The following SNX2 variants were observed in gnomAD, a reference collection of about 807,000 sequenced individuals.
The protein encoded by SNX2 is sorting nexin 2.
Under a neutral mutation model 69.9 loss-of-function variants are expected in SNX2, and 25 were observed. The ratio of observed to expected loss-of-function variants is 0.36; its 90% CI spans 0.26 to 0.50. The LOEUF (loss-of-function observed/expected upper bound fraction) is 0.50. Among genes scored for constraint, SNX2 ranks in the 20% least tolerant of loss-of-function variants. The probability of loss-of-function intolerance (pLI) is 0.97; values close to 1 mark genes in which losing one functional copy is unlikely to be tolerated. For missense variants in SNX2, 551 were observed against 613.3 expected, an observed-to-expected ratio of 0.90 and a Z score of 1.07; for synonymous variants, 229 against 200.4, an observed-to-expected ratio of 1.14 and a Z score of -1.20.
At position 122,827,650 on chromosome 5, in the gene SNX2, A is replaced by C. The variant is rs201650860; in HGVS notation, c.1509+4A>C. ...ACTAGTTCAAACACAACAACAGGTAAGCCATTTTTGTTTATAACTTAAACT... is the reference window on the plus strand; with the variant it reads ...ACTAGTTCAAACACAACAACAGGTACGCCATTTTTGTTTATAACTTAAACT... On this transcript the variant is annotated splice_donor_region_variant and intron_variant, in intron 14 of 14. Coordinates refer to ENST00000379516, the MANE Select transcript of SNX2 (RefSeq NM_003100.4). The C allele has an allele frequency of 9.3e-4, 1,499 of 1,603,594 alleles. 4 individuals are homozygous for C. Among genetic ancestry groups the C allele is most frequent in the Middle Eastern group, 5.6e-3 (33 of 5,856 alleles).
Position 122,817,337 on chromosome 5 carries a change from C to T in SNX2, c.970C>T (p.His324Tyr). The change falls in exon 10 of 15, where the codon CAT becomes TAT. Residue 324 changes from histidine to tyrosine, a missense_variant. His to Tyr is a moderately conservative substitution (Grantham distance 83, BLOSUM62 2). Transcript: ENST00000379516. Reference sequence around the variant, plus strand: ...TCTGGATCAGCAACTTAGGAAACTTCATGTCAGTGTTGAAGCCTTGGTCTG... The same window carrying T: ...TCTGGATCAGCAACTTAGGAAACTTTATGTCAGTGTTGAAGCCTTGGTCTG... ...ENLDQQLRKL[H>Y]VSVEALVCHR... 1 of 1,613,914 alleles carries T rather than the reference C, an allele frequency of 6.2e-7. No individual in the cohort carries two copies. The highest frequency in any genetic ancestry group is 8.5e-7 in the Non-Finnish European group (1 of 1,179,906).
rs1754259227 is a variant in SNX2, at chr5:122,830,404, T to A, written c.*756T>A. ...CCCAATTTAAGAATTAGGAAAAAAATGTATTTATATACTTTTACAAGTCCC... is the reference window on the plus strand; with the variant it reads ...CCCAATTTAAGAATTAGGAAAAAAAAGTATTTATATACTTTTACAAGTCCC... On this transcript the variant is annotated 3_prime_UTR_variant, in exon 15 of 15. Coordinates refer to ENST00000379516, the MANE Select transcript of SNX2 (RefSeq NM_003100.4). Among the ~76,000 whole-genome samples, 1 of 152,284 alleles carries A rather than the reference T, an allele frequency of 6.6e-6. No homozygotes were observed. The highest frequency in any genetic ancestry group is 2.1e-4 in the South Asian group (1 of 4,832).
intron 5 of SNX2, among the ~76,000 whole-genome samples, chr5:122,802,412 G>A (rs1364361882): frequency 5.3e-5 from 8 of 152,158 alleles, no homozygotes; most frequent in Non-Finnish European, 8.8e-5. Context: ...GCCAGGTGAG[G>A]AATTTGCTTG....
In SNX2 at chr5:122,832,299, G is replaced by A. The variant is rs777534255; in HGVS notation, c.*2651G>A. 2.0e-5 allele frequency: 3 copies of A among 152,116 alleles called. No homozygotes were observed. The highest frequency in any genetic ancestry group is 4.4e-5 in the Non-Finnish European group (3 of 68,018). 9.4% of individuals were successfully genotyped at this position (152,116 alleles called of 1,614,324 possible). The stretch of plus-strand genomic sequence containing the variant: ...ACATAAAAGTCTTGATTCCTGAAGT[G>A]CCTTTCTACTTTAAAATATTTTGTT... On this transcript the variant is annotated 3_prime_UTR_variant, in exon 15 of 15. Transcript: ENST00000379516.
chr5:122,806,142 G>GCACGCGCGCGCACACACA (rs1554063175), intron 6 of SNX2, among the ~76,000 whole-genome samples: 10 of 130,584 alleles, frequency 7.7e-5, no homozygotes, highest in African/African-American at 2.6e-4. Context: ...ACACGCGCGC[G>GCACGCGCGCGCACACACA]CACACACACA....
intron 10 of SNX2, 147 bp from the exon 11 acceptor site, chr5:122,818,671 G>A (rs1561471895): frequency 7.7e-6 from 5 of 647,314 alleles, no homozygotes; most frequent in East Asian, 5.7e-5. Context: ...GCATTTTAAC[G>A]ACTAATTGTT....
At chr5:122,808,569 A>G (rs922700352) in intron 7 of SNX2, 5 of 389,138 alleles carry the variant, frequency 1.3e-5, no homozygotes, top group East Asian at 4.2e-5. Context: ...ATCCTCATCA[A>G]TAGTCTAACA....
At chr5:122,810,087 G>A (rs1204994339) in intron 7 of SNX2, among the ~76,000 whole-genome samples, 2 of 150,310 alleles carry the variant, frequency 1.3e-5, no homozygotes, top group Non-Finnish European at 2.9e-5. Context: ...GGATCCTGTC[G>A]ATCTGTGACC....
intron 6 of SNX2, among the ~76,000 whole-genome samples, chr5:122,806,142 G>GCACGCGCGCACACACACACACACACACA (rs1554063175): frequency 7.9e-4 from 103 of 130,646 alleles, no homozygotes; most frequent in African/African-American, 2.6e-3. Context: ...ACACGCGCGC[G>GCACGCGCGCACACACACACACACACACA]CACACACACA....
At chr5:122,793,920 A>C (rs1341131834) in intron 1 of SNX2, among the ~76,000 whole-genome samples, 1 of 151,618 alleles carries the variant, frequency 6.6e-6, no homozygotes, top group Admixed American at 6.6e-5. Flanking sequence ...TCCCCCCAAA[A>C]AAAAAAAAAA....
intron 1 of SNX2, among the ~76,000 whole-genome samples, chr5:122,777,268 G>A (rs1052396241): frequency 1.5e-4 from 23 of 152,104 alleles, no homozygotes. Context: ...TGCAATCTTT[G>A]TAAATAGGGA....
chr5:122,794,348 T>C (rs1207382477), intron 1 of SNX2, among the ~76,000 whole-genome samples: 1 of 152,126 alleles, frequency 6.6e-6, no homozygotes, highest in East Asian at 1.9e-4. Context: ...AGAATAGTCA[T>C]TAGCTTAGAT....
chr5:122,812,962 A>C (rs1753814369), intron 7 of SNX2, among the ~76,000 whole-genome samples: 2 of 152,240 alleles, frequency 1.3e-5, no homozygotes, highest in Non-Finnish European at 2.9e-5. Flanking sequence ...TGGTAAGTAA[A>C]TAAGAATTTG....
intron 7 of SNX2, among the ~76,000 whole-genome samples, chr5:122,813,867 G>A (rs1296883897): frequency 2.7e-5 from 4 of 149,062 alleles, no homozygotes; most frequent in Admixed American, 2.0e-4. Flanking sequence ...TCCGTCTCCT[G>A]GGTTCAAGCA....
Position 122,834,527 on chromosome 5 carries a change from GA to G in SNX2, c.*4880del. ...TGTAACTTTAATAAAAACTAAGTCA[GA>G]CAAAATTTAACAAAACTAAATTGCC... On this transcript the variant is annotated 3_prime_UTR_variant, in exon 15 of 15. Transcript: ENST00000379516. 6.6e-6 allele frequency: 1 copy of G among 152,270 alleles called. No individual in the cohort carries two copies. Among genetic ancestry groups the G allele is most frequent in the East Asian group, 1.9e-4 (1 of 5,184 alleles). The allele number at this position is 152,270 out of a possible 1,614,324, so 9.4% of individuals were successfully genotyped here. A position where few individuals can be genotyped will look rare whatever the true frequency, so the allele number is the denominator to read the frequency against.
At chr5:122,814,575 A>G (rs1015111896) in intron 7 of SNX2, among the ~76,000 whole-genome samples, 5 of 152,128 alleles carry the variant, frequency 3.3e-5, no homozygotes, top group African/African-American at 1.2e-4. Context: ...TTTAGAGAAG[A>G]TTATCACTTT....
At chr5:122,828,369 T>A (rs937822090) in intron 14 of SNX2, among the ~76,000 whole-genome samples, 4 of 152,212 alleles carry the variant, frequency 2.6e-5, no homozygotes, top group South Asian at 2.1e-4. Context: ...TAAATTTTTT[T>A]AAATATGAAA....
chr5:122,807,211 G>A (rs953252638), intron 6 of SNX2, among the ~76,000 whole-genome samples: 3 of 152,010 alleles, frequency 2.0e-5, no homozygotes, highest in East Asian at 3.9e-4. Flanking sequence ...GCAGTGAACC[G>A]TGATCATGCC....
At chr5:122,787,090 C>T (rs1753107130) in intron 1 of SNX2, among the ~76,000 whole-genome samples, 3 of 152,162 alleles carry the variant, frequency 2.0e-5, no homozygotes, top group Non-Finnish European at 4.4e-5. Context: ...TCCACCATAA[C>T]TTTCTCATTT....
Sources: gnomAD v4.1 joint callset for allele counts (sites outside exome capture counted in the v4.1 genomes callset) on GRCh38, gnomAD v4.1.1 for gene constraint, MANE v1.5 for transcripts, NCBI Gene and HGNC (gene_info 2026-07-23, HGNC 2026-07-21) for gene names.